DLG1: variants seen among roughly 807,000 people sequenced by gnomAD.
DLG1 encodes the protein discs large MAGUK scaffold protein 1.
Under a neutral mutation model 123.4 loss-of-function variants are expected in DLG1, and 42 were observed. The observed-to-expected ratio is 0.34, with a 90% confidence interval of 0.27 to 0.44. DLG1 has a LOEUF of 0.44. DLG1 is among the 20% of genes least tolerant of loss of function. DLG1 has a pLI of 1.00. For missense variants in DLG1, 942 were observed against 1,082.6 expected, an observed-to-expected ratio of 0.87 and a Z score of 1.82; for synonymous variants, 317 against 356.2, an observed-to-expected ratio of 0.89 and a Z score of 1.24.
At chr3:197,053,462 C>T (rs1729364881) in intron 23 of DLG1, among the ~76,000 whole-genome samples, 1 of 151,836 alleles carries the variant, frequency 6.6e-6, no homozygotes, top group Admixed American at 6.6e-5. Context: ...GTTTTCTGGC[C>T]TCCAGAGTTT....
At chr3:197,239,211 A>C (rs1747584509) in intron 4 of DLG1, among the ~76,000 whole-genome samples, 1 of 152,156 alleles carries the variant, frequency 6.6e-6, no homozygotes, top group African/African-American at 2.4e-5. Context: ...AATGCCAACA[A>C]ACTAGATAAC....
At chr3:197,217,053 G>A (rs1431583651) in intron 4 of DLG1, among the ~76,000 whole-genome samples, 1 of 152,176 alleles carries the variant, frequency 6.6e-6, no homozygotes, top group Non-Finnish European at 1.5e-5. Flanking sequence ...AACAACTTAG[G>A]TTTAAAGGAA....
At position 197,058,355 on chromosome 3, in the gene DLG1, TAAAGCTGTGTGTATTCCTTC is replaced by T. The variant is rs368518326; in HGVS notation, c.2483+1514_2483+1533del. Reference sequence around the variant, plus strand: ...ATTTTCAACATTCTTTCCTAACATTTAAAGCTGTGTGTATTCCTTCAAAGCTGTGTGTATTCCTTCAACAA... The same window carrying T: ...ATTTTCAACATTCTTTCCTAACATTTAAAGCTGTGTGTATTCCTTCAACAA... On this transcript the variant is annotated intron_variant, in intron 23 of 24. Coordinates refer to ENST00000667157, the MANE Select transcript of DLG1 (RefSeq NM_001366207.1). Among the ~76,000 whole-genome samples the T allele has an allele frequency of 8.5e-3, 1,301 of 152,276 alleles. 16 individuals are homozygous for T. The highest frequency in any genetic ancestry group is 0.029 in the African/African-American group (1,218 of 41,544).
chr3:197,254,076 T>C (rs180964617), intron 4 of DLG1, among the ~76,000 whole-genome samples: 204 of 152,256 alleles, frequency 1.3e-3, no homozygotes, highest in African/African-American at 3.9e-3. Flanking sequence ...CTGATACAGA[T>C]TGAGTGACTT....
intron 6 of DLG1, among the ~76,000 whole-genome samples, chr3:197,147,845 T>C (rs992593905): frequency 1.2e-4 from 17 of 139,852 alleles, no homozygotes; most frequent in African/African-American, 4.2e-4. Context: ...AAACAAAAAA[T>C]AAAATCCTGA....
chr3:197,090,806 A>C (rs1330627224), intron 15 of DLG1, 106 bp downstream of exon 15: 1 of 602,028 alleles, frequency 1.7e-6, no homozygotes, highest in Non-Finnish European at 2.9e-6. Flanking sequence ...CTGATTGGCA[A>C]TATATTTTCT....
At chr3:197,201,740 T>A (rs931331847) in intron 4 of DLG1, among the ~76,000 whole-genome samples, 1 of 152,002 alleles carries the variant, frequency 6.6e-6, no homozygotes, top group African/African-American at 2.4e-5. Context: ...AATGACCACG[T>A]TGCCCAAAGC....
At chr3:197,130,739 C>A in intron 10 of DLG1, 68 bp from the exon 11 acceptor site, 22 of 1,294,270 alleles carry the variant, frequency 1.7e-5, no homozygotes, top group Middle Eastern at 2.8e-4. Context: ...AACAATTTCA[C>A]GAAAAGAAAG....
At chr3:197,083,777 G>A (rs953669658) in intron 16 of DLG1, among the ~76,000 whole-genome samples, 3 of 149,040 alleles carry the variant, frequency 2.0e-5, no homozygotes, top group Non-Finnish European at 4.5e-5. Flanking sequence ...GGGCAACATA[G>A]CTAGAACCCA....
intron 14 of DLG1, among the ~76,000 whole-genome samples, chr3:197,103,202 T>C (rs935707393): frequency 1.3e-5 from 2 of 152,216 alleles, no homozygotes; most frequent in African/African-American, 4.8e-5. Context: ...TACTTGGTTG[T>C]CCAGGTATCA....
chr3:197,192,653 T>A (rs562836900), intron 5 of DLG1, among the ~76,000 whole-genome samples: 1 of 152,158 alleles, frequency 6.6e-6, no homozygotes, highest in African/African-American at 2.4e-5. Context: ...TATTCAGCTA[T>A]CCTACATGTA....
At chr3:197,085,428 T>A in intron 16 of DLG1, 152 bp downstream of exon 16, 1 of 726,046 alleles carries the variant, frequency 1.4e-6, no homozygotes, top group South Asian at 1.8e-5. Flanking sequence ...CATAAAAATG[T>A]GATCATACGA....
chr3:197,050,731 T>C (rs2148700804), intron 24 of DLG1, among the ~76,000 whole-genome samples: 2 of 152,304 alleles, frequency 1.3e-5, no homozygotes, highest in Middle Eastern at 6.8e-3. Flanking sequence ...GAGTAAATTC[T>C]GGGGATCTAA....
At position 197,090,899 on chromosome 3, in the gene DLG1, TA is replaced by T. The variant is rs746985032; in HGVS notation, c.1661+12del. ...AATTAAGATTTGCCATAATTAGAAGTAAAAAAATTTACCTGACATAGAGGGA... is the reference window on the plus strand; with the variant it reads ...AATTAAGATTTGCCATAATTAGAAGTAAAAAATTTACCTGACATAGAGGGA... On this transcript the variant is annotated intron_variant, in intron 15 of 24. Transcript: ENST00000667157. 5 of 1,509,702 alleles carry T rather than the reference TA, an allele frequency of 3.3e-6. No individual in the cohort carries two copies. Among genetic ancestry groups the T allele is most frequent in the South Asian group, 2.5e-5 (2 of 80,188 alleles). The allele number at this position is 1,509,702 out of a possible 1,614,324, so 93.5% of individuals were successfully genotyped here. A position where few individuals can be genotyped will look rare whatever the true frequency, so the allele number is the denominator to read the frequency against.
intron 4 of DLG1, among the ~76,000 whole-genome samples, chr3:197,217,595 C>T (rs571276704): frequency 5.7e-4 from 87 of 152,152 alleles, no homozygotes; most frequent in African/African-American, 2.1e-3. Flanking sequence ...TGGAATAATA[C>T]TCAACAATTA....
chr3:197,288,409 T>C (rs1253014091), intron 3 of DLG1, among the ~76,000 whole-genome samples: 1 of 140,668 alleles, frequency 7.1e-6, no homozygotes, highest in East Asian at 2.1e-4. Flanking sequence ...AAAAAATCTA[T>C]ATACACAGTC....
chr3:197,235,499 G>T (rs567345757), intron 4 of DLG1, among the ~76,000 whole-genome samples: 1 of 152,214 alleles, frequency 6.6e-6, no homozygotes, highest in East Asian at 1.9e-4. Flanking sequence ...AGAGCAGAGG[G>T]GCCTCAATAA....
Position 197,051,671 on chromosome 3 carries a change from A to T in DLG1, c.2484-3T>A, listed in dbSNP as rs1470340470. On this transcript the variant is annotated splice_region_variant and splice_polypyrimidine_tract_variant and intron_variant, in intron 23 of 24. Transcript: ENST00000667157. The stretch of plus-strand genomic sequence containing the variant: ...CTGTTAGACGCTTATTCATTTCCCT[A>T]CGAAAATAAATGTAGAAATTGATAA... 1 of 1,608,562 alleles carries T rather than the reference A, an allele frequency of 6.2e-7. No homozygotes were observed.
chr3:197,058,872 C>A (rs1345508344), intron 23 of DLG1, among the ~76,000 whole-genome samples: 1 of 152,184 alleles, frequency 6.6e-6, no homozygotes, highest in Non-Finnish European at 1.5e-5. Flanking sequence ...GAAGTGCAAA[C>A]AAATGTACGA....
Sources: gnomAD v4.1 joint callset for allele counts (sites outside exome capture counted in the v4.1 genomes callset) on GRCh38, gnomAD v4.1.1 for gene constraint, MANE v1.5 for transcripts, NCBI Gene and HGNC (gene_info 2026-07-23, HGNC 2026-07-21) for gene names.